Variants in KAZN observed in about 807,000 individuals in gnomAD.
The protein encoded by KAZN is kazrin, periplakin interacting protein.
Under a neutral mutation model 87.4 loss-of-function variants are expected in KAZN, and 40 were observed. That is an observed-to-expected ratio of 0.46 (90% confidence interval 0.36 to 0.60). The LOEUF is 0.60. Ranked by LOEUF, KAZN falls within the 20% of genes least tolerant of loss-of-function variation. The pLI is 0.00. For missense variants in KAZN, 898 were observed against 1,073.9 expected, an observed-to-expected ratio of 0.84 and a Z score of 2.29; for synonymous variants, 466 against 458.3, an observed-to-expected ratio of 1.02 and a Z score of -0.22.
intron 1 of KAZN, among the ~76,000 whole-genome samples, chr1:14,893,352 C>A (rs1303647384): frequency 6.6e-6 from 1 of 151,964 alleles, no homozygotes; most frequent in Admixed American, 6.6e-5. Context: ...GGCAACAGAG[C>A]GAGACTTTGT....
At chr1:14,954,602 G>A (rs1387614579) in intron 1 of KAZN, among the ~76,000 whole-genome samples, 1 of 152,160 alleles carries the variant, frequency 6.6e-6, no homozygotes, top group Non-Finnish European at 1.5e-5. Flanking sequence ...TAGCCACGTG[G>A]GTGCACGTGA....
chr1:14,665,335 C>G (rs1639464278), intron 1 of KAZN, among the ~76,000 whole-genome samples: 2 of 151,898 alleles, frequency 1.3e-5, no homozygotes, highest in Non-Finnish European at 2.9e-5. Flanking sequence ...TGTGTCATCA[C>G]TGTTTGCTGT....
chr1:14,817,090 A>G (rs994777396), intron 1 of KAZN, among the ~76,000 whole-genome samples: 13 of 152,188 alleles, frequency 8.5e-5, no homozygotes, highest in African/African-American at 2.4e-4. Context: ...CTTTGTTGTC[A>G]TTGTGACAAC....
chr1:14,409,585 T>C (rs1480959482), intron 2 of KAZN, among the ~76,000 whole-genome samples: 2 of 152,178 alleles, frequency 1.3e-5, no homozygotes, highest in Non-Finnish European at 2.9e-5. Flanking sequence ...CAAACAGTGA[T>C]ATCCATGGGG....
intron 2 of KAZN, among the ~76,000 whole-genome samples, chr1:14,185,315 G>A (rs1420488785): frequency 6.6e-6 from 1 of 152,162 alleles, no homozygotes; most frequent in Non-Finnish European, 1.5e-5. Context: ...GTTACCCTGG[G>A]ATATCTTGAA....
intron 8 of KAZN, among the ~76,000 whole-genome samples, chr1:15,091,828 G>A (rs982040842): frequency 6.6e-6 from 1 of 152,036 alleles, no homozygotes; most frequent in Non-Finnish European, 1.5e-5. Flanking sequence ...AACTATACAT[G>A]TTTACTAGGG....
At chr1:14,708,306 A>C (rs1383212973) in intron 1 of KAZN, among the ~76,000 whole-genome samples, 1 of 152,142 alleles carries the variant, frequency 6.6e-6, no homozygotes, top group African/African-American at 2.4e-5. Flanking sequence ...AGTAAGGAGA[A>C]CTCAGAGGTG....
intron 2 of KAZN, among the ~76,000 whole-genome samples, chr1:14,418,677 T>C (rs911763033): frequency 1.3e-5 from 2 of 152,228 alleles, no homozygotes; most frequent in Non-Finnish European, 2.9e-5. Flanking sequence ...AATGCTTGTC[T>C]TCTAACTGTA....
intron 1 of KAZN, chr1:14,930,090 T>C (rs1369701548): frequency 1.4e-5 from 14 of 985,424 alleles, no homozygotes; most frequent in Non-Finnish European, 1.7e-5. Context: ...TGGCTGACAC[T>C]GAGTCTGGCC....
At chr1:13,944,123 A>T (rs1271009861) in intron 1 of KAZN, among the ~76,000 whole-genome samples, 1 of 152,120 alleles carries the variant, frequency 6.6e-6, no homozygotes, top group East Asian at 1.9e-4. Flanking sequence ...AAATAACCTA[A>T]GTGTTCATTA....
intron 13 of KAZN, among the ~76,000 whole-genome samples, chr1:15,106,896 C>A (rs1158970025): frequency 2.0e-5 from 3 of 152,158 alleles, no homozygotes; most frequent in African/African-American, 7.2e-5. Flanking sequence ...GAGAATAAAA[C>A]CAGTGGGCAG....
intron 1 of KAZN, among the ~76,000 whole-genome samples, chr1:13,986,458 G>A (rs751050054): frequency 1.3e-5 from 2 of 152,172 alleles, no homozygotes; most frequent in African/African-American, 2.4e-5. Flanking sequence ...CAGAGAGAAG[G>A]AAAAATTATC....
chr1:14,744,001 G>A (rs1380043636), intron 1 of KAZN, among the ~76,000 whole-genome samples: 2 of 152,152 alleles, frequency 1.3e-5, no homozygotes, highest in South Asian at 2.1e-4. Context: ...CAAGCTGGAC[G>A]GACAAAAACC....
chr1:15,034,901 G>C lies in KAZN; in HGVS notation c.555+16G>C, dbSNP rs1672105151. On this transcript the variant is annotated intron_variant, in intron 3 of 14. Transcript: ENST00000376030. ...GCACCGCAAGGTCAGCCGCCGCCCT[G>C]CCCTCCCCTCCCCTCCCGACACACC... 3 of 1,608,602 alleles carry C rather than the reference G, an allele frequency of 1.9e-6. No individual in the cohort carries two copies. The highest frequency in any genetic ancestry group is 1.7e-6 in the Non-Finnish European group (2 of 1,176,990).
At chr1:14,152,334 C>T (rs1039412770) in intron 1 of KAZN, among the ~76,000 whole-genome samples, 4 of 152,168 alleles carry the variant, frequency 2.6e-5, no homozygotes, top group African/African-American at 9.7e-5. Context: ...CCTGACCCTC[C>T]AACTACCCTT....
intron 1 of KAZN, among the ~76,000 whole-genome samples, chr1:14,614,394 C>G (rs964208237): frequency 6.6e-6 from 1 of 152,208 alleles, no homozygotes; most frequent in African/African-American, 2.4e-5. Context: ...TTTCATTTCT[C>G]TTCCTTCGTG....
At chr1:15,085,514 G>T (rs1320938007) in intron 8 of KAZN, among the ~76,000 whole-genome samples, 1 of 152,308 alleles carries the variant, frequency 6.6e-6, no homozygotes, top group East Asian at 1.9e-4. Flanking sequence ...TTTTGGTAGA[G>T]ATGGGGTTTC....
At chr1:14,262,368 A>C (rs1651112766) in intron 2 of KAZN, among the ~76,000 whole-genome samples, 1 of 152,208 alleles carries the variant, frequency 6.6e-6, no homozygotes, top group African/African-American at 2.4e-5. Flanking sequence ...CATTCTGTAG[A>C]TAACCTATGT....
chr1:14,999,517 T>TCCCCCCCC (rs1557701638), intron 2 of KAZN, among the ~76,000 whole-genome samples: 7 of 80,988 alleles, frequency 8.6e-5, no homozygotes, highest in African/African-American at 3.0e-4. Context: ...CGCCCCGCCA[T>TCCCCCCCC]CCAGACCTTG....
Sources: allele counts gnomAD v4.1 joint callset (sites outside exome capture counted in the v4.1 genomes callset), GRCh38; gene constraint gnomAD v4.1.1; transcripts MANE v1.5; gene names NCBI Gene and HGNC (gene_info 2026-07-23, HGNC 2026-07-21).